The following SLC25A21 variants were observed in gnomAD, a reference collection of about 807,000 sequenced individuals.
The protein encoded by SLC25A21 is solute carrier family 25 member 21, also known as mitochondrial 2-oxodicarboxylate carrier.
SLC25A21 carries 47 observed loss-of-function variants against 43.8 expected under a neutral mutation model. The ratio of observed to expected loss-of-function variants is 1.07; its 90% CI spans 0.85 to 1.37. The LOEUF (loss-of-function observed/expected upper bound fraction) is 1.37, where lower values mean the gene tolerates loss of function less well. Ranked by LOEUF, SLC25A21 falls within the 40% of genes most tolerant of loss-of-function variation. The pLI is 0.00. For synonymous variants in SLC25A21, 131 were observed against 121.3 expected (o/e 1.08, Z -0.52); for missense variants, 352 against 350.2 (o/e 1.00, Z -0.04).
intron 7 of SLC25A21, among the ~76,000 whole-genome samples, chr14:36,692,549 C>T (rs2078340492): frequency 6.6e-6 from 1 of 152,208 alleles, no homozygotes; most frequent in Non-Finnish European, 1.5e-5. Context: ...CGTTAGCTGG[C>T]CAGCTGGCTG....
chr14:37,168,902 G>A (rs886983714), intron 1 of SLC25A21, among the ~76,000 whole-genome samples: 6 of 152,190 alleles, frequency 3.9e-5, no homozygotes, highest in Non-Finnish European at 8.8e-5. Flanking sequence ...AGAATGCCCT[G>A]TGATTTCTCC....
At chr14:36,778,880 AC>A (rs1886931265) in intron 3 of SLC25A21, among the ~76,000 whole-genome samples, 1 of 152,178 alleles carries the variant, frequency 6.6e-6, no homozygotes, top group South Asian at 2.1e-4. Flanking sequence ...AGTATGCCAT[AC>A]ATTATTAACT....
chr14:36,793,780 T>C (rs990681918), intron 3 of SLC25A21, among the ~76,000 whole-genome samples: 3 of 152,300 alleles, frequency 2.0e-5, no homozygotes, highest in Non-Finnish European at 2.9e-5. Flanking sequence ...TTTCTCTGTA[T>C]TGACATATGG....
At chr14:36,947,966 C>T (rs1892714973) in intron 1 of SLC25A21, among the ~76,000 whole-genome samples, 1 of 152,000 alleles carries the variant, frequency 6.6e-6, no homozygotes, top group Non-Finnish European at 1.5e-5. Context: ...AGTTAGTAAC[C>T]AGATATTTCT....
At chr14:36,982,823 C>A (rs1960059774) in intron 1 of SLC25A21, among the ~76,000 whole-genome samples, 1 of 129,166 alleles carries the variant, frequency 7.7e-6, no homozygotes, top group Admixed American at 7.0e-5. Context: ...CAACAAAAAA[C>A]AACAACAACA....
intron 1 of SLC25A21, among the ~76,000 whole-genome samples, chr14:36,878,924 C>A (rs1273630592): frequency 1.3e-5 from 2 of 152,052 alleles, no homozygotes; most frequent in South Asian, 4.1e-4. Flanking sequence ...TACTGCCAAC[C>A]ACCAACCATA....
intron 1 of SLC25A21, among the ~76,000 whole-genome samples, chr14:36,959,638 AC>A (rs917255666): frequency 2.6e-5 from 4 of 152,068 alleles, no homozygotes; most frequent in African/African-American, 7.2e-5. Flanking sequence ...AGAAAAGGCA[AC>A]CCGGTTTTTT....
intron 3 of SLC25A21, among the ~76,000 whole-genome samples, chr14:36,746,151 T>C (rs1293489722): frequency 6.6e-6 from 1 of 152,158 alleles, no homozygotes; most frequent in East Asian, 1.9e-4. Flanking sequence ...ATACCTGCAC[T>C]CATCTGTTTA....
At chr14:36,780,350 G>A (rs1212857660) in intron 3 of SLC25A21, among the ~76,000 whole-genome samples, 1 of 151,652 alleles carries the variant, frequency 6.6e-6, no homozygotes, top group African/African-American at 2.4e-5. Context: ...TTTGATCATT[G>A]TTATTTCATA....
intron 1 of SLC25A21, among the ~76,000 whole-genome samples, chr14:36,985,098 T>C (rs1445806124): frequency 6.6e-6 from 1 of 150,810 alleles, no homozygotes; most frequent in Non-Finnish European, 1.5e-5. Flanking sequence ...ACACCGCATA[T>C]TCTCACTCAT....
At chr14:36,916,593 T>C (rs1376676564) in intron 1 of SLC25A21, among the ~76,000 whole-genome samples, 1 of 152,174 alleles carries the variant, frequency 6.6e-6, no homozygotes, top group Non-Finnish European at 1.5e-5. Flanking sequence ...CATAACAGCA[T>C]AAATTGTTGC....
chr14:36,871,299 C>A (rs1890365998), intron 2 of SLC25A21, among the ~76,000 whole-genome samples: 1 of 152,084 alleles, frequency 6.6e-6, no homozygotes, highest in Non-Finnish European at 1.5e-5. Flanking sequence ...AGAAGGCACC[C>A]TTTATGAACC....
intron 1 of SLC25A21, among the ~76,000 whole-genome samples, chr14:36,875,889 G>A (rs941803818): frequency 1.7e-4 from 26 of 152,130 alleles, no homozygotes; most frequent in African/African-American, 6.3e-4. Flanking sequence ...TTAGGTACTA[G>A]TAGTTGTAAA....
intron 1 of SLC25A21, among the ~76,000 whole-genome samples, chr14:37,007,875 T>C (rs920958906): frequency 1.3e-5 from 2 of 152,148 alleles, no homozygotes; most frequent in African/African-American, 2.4e-5. Context: ...AAATTTGTCA[T>C]ACAATTTCCA....
intron 1 of SLC25A21, among the ~76,000 whole-genome samples, chr14:37,015,497 G>A (rs1960832781): frequency 6.6e-6 from 1 of 152,024 alleles, no homozygotes; most frequent in East Asian, 1.9e-4. Flanking sequence ...TGCCACAATA[G>A]ACATACGTGT....
intron 1 of SLC25A21, among the ~76,000 whole-genome samples, chr14:37,142,791 T>C (rs890050496): frequency 1.3e-5 from 2 of 152,176 alleles, no homozygotes; most frequent in Non-Finnish European, 1.5e-5. Flanking sequence ...TCAGAATGAA[T>C]TGTAAATTTT....
intron 3 of SLC25A21, among the ~76,000 whole-genome samples, chr14:36,766,807 T>G (rs190575103): frequency 1.3e-5 from 2 of 152,284 alleles, no homozygotes; most frequent in East Asian, 3.9e-4. Context: ...ACAAGTTATA[T>G]AATCTAAAGA....
rs149712449 is a variant in SLC25A21, at chr14:37,055,792, A to T, written c.70+116489T>A. ...AGAGTACGTAATAGCTCCAGTGAAG[A>T]CATTATGAAACTTCACAAGTATTAT... On this transcript the variant is annotated intron_variant, in intron 1 of 9. Coordinates refer to ENST00000331299, the MANE Select transcript of SLC25A21 (RefSeq NM_030631.4). Among the ~76,000 whole-genome samples the T allele has an allele frequency of 5.1e-4, 77 of 152,352 alleles. 1 individual carries two copies. In the East Asian group the frequency reaches 0.014, roughly 29 times the overall value.
intron 1 of SLC25A21, among the ~76,000 whole-genome samples, chr14:36,987,509 C>T (rs1240896088): frequency 1.3e-5 from 2 of 152,264 alleles, no homozygotes; most frequent in African/African-American, 4.8e-5. Flanking sequence ...CTAACACTTA[C>T]ATGGTTTATT....
Sources: gnomAD v4.1 joint callset for allele counts (sites outside exome capture counted in the v4.1 genomes callset) on GRCh38, gnomAD v4.1.1 for gene constraint, MANE v1.5 for transcripts, NCBI Gene and HGNC (gene_info 2026-07-23, HGNC 2026-07-21) for gene names.